The following ZFHX3 variants were observed in gnomAD, a reference collection of about 807,000 sequenced individuals.
The protein encoded by ZFHX3 is zinc finger homeobox 3.
In ZFHX3, 42 loss-of-function variants were observed where a neutral mutation model predicts 279.1. The ratio of observed to expected loss-of-function variants is 0.15; its 90% CI spans 0.12 to 0.19. The LOEUF (loss-of-function observed/expected upper bound fraction) is 0.19. Ranked by LOEUF, ZFHX3 falls within the 10% of genes least tolerant of loss-of-function variation. The pLI is 1.00. For synonymous variants in ZFHX3, 2,293 were observed against 1,957.8 expected (o/e 1.17, Z -4.52); for missense variants, 4,981 against 4,754.0 (o/e 1.05, Z -1.40).
chr16:72,959,666 G>GCCACTC lies in ZFHX3; in HGVS notation c.474_479dup (p.Ser163_Gly164dup), dbSNP rs1961466474. The GCCACTC allele has an allele frequency of 2.5e-6, 4 of 1,613,826 alleles. No homozygotes were observed. The highest frequency in any genetic ancestry group is 8.5e-7 in the Non-Finnish European group (1 of 1,180,002). ...GCGAGGGGAGAGGCCCACTGCCACT[G>GCCACTC]CCACTCCCACAGGCGCCCCCGCCCT... On this transcript the variant is annotated inframe_insertion, in exon 2 of 10. Transcript: ENST00000268489.
intron 3 of ZFHX3, among the ~76,000 whole-genome samples, chr16:73,450,041 T>C (rs1038420468): frequency 3.9e-5 from 6 of 152,214 alleles, no homozygotes; most frequent in Admixed American, 2.6e-4. Context: ...AAATTGTACA[T>C]ATTCAAGGTG....
chr16:73,680,574 C>T (rs1235489609), intron 1 of ZFHX3, among the ~76,000 whole-genome samples: 1 of 152,100 alleles, frequency 6.6e-6, no homozygotes, highest in Admixed American at 6.6e-5. Flanking sequence ...TAATTTATCA[C>T]TAAACACTAT....
chr16:73,098,641 C>G (rs1040392942), intron 7 of ZFHX3: 3 of 152,234 alleles, frequency 2.0e-5, no homozygotes, highest in Non-Finnish European at 4.4e-5. Context: ...GGATTACAGG[C>G]GTGAGCCACT....
chr16:73,587,771 T>C (rs1011445735), intron 2 of ZFHX3, among the ~76,000 whole-genome samples: 1 of 152,238 alleles, frequency 6.6e-6, no homozygotes, highest in African/African-American at 2.4e-5. Flanking sequence ...AAATGAAATA[T>C]ATCATGTAAT....
chr16:73,501,048 TTAA>T (rs1241586567), intron 2 of ZFHX3, among the ~76,000 whole-genome samples: 1 of 152,258 alleles, frequency 6.6e-6, no homozygotes, highest in Admixed American at 6.5e-5. Flanking sequence ...GTACCACTTT[TTAA>T]TCTTTTAAAC....
chr16:73,805,330 G>A (rs1475334317), intron 1 of ZFHX3, among the ~76,000 whole-genome samples: 1 of 152,034 alleles, frequency 6.6e-6, no homozygotes, highest in African/African-American at 2.4e-5. Flanking sequence ...CACTACGCCT[G>A]GCTAATTTTT....
chr16:73,209,696 C>A (rs1248749628), intron 5 of ZFHX3, among the ~76,000 whole-genome samples: 2 of 152,134 alleles, frequency 1.3e-5, no homozygotes, highest in Non-Finnish European at 1.5e-5. Flanking sequence ...TTTGGTTTAA[C>A]AGAAGGATGC....
rs543390244 is a variant in ZFHX3 at position 72,958,712 on chromosome 16, T to C, written c.1434A>G (p.Glu478=). The part of the protein sequence containing the change: ...EEEEAEEEEE[E]EEEEEEEEED... Reference sequence around the variant, plus strand: ...CCTCCTCCTCTTCTTCCTCCTCCTCTTCTTCCTCCTCCTCCTCCGCCTCTT... The same window carrying C: ...CCTCCTCCTCTTCTTCCTCCTCCTCCTCTTCCTCCTCCTCCTCCGCCTCTT... The change falls in exon 2 of 10, where the codon GAA becomes GAG. Residue 478 remains glutamate, a synonymous_variant. Transcript: ENST00000268489. 20 of 1,611,950 alleles carry C rather than the reference T, an allele frequency of 1.2e-5. No homozygotes were observed. The highest frequency in any genetic ancestry group is 5.0e-5 in the Admixed American group (3 of 59,966).
At position 73,589,259 on chromosome 16, in the gene ZFHX3, CAAAAAAAAA is replaced by C. The variant is rs34481194; in HGVS notation, c.-1547+90912_-1547+90920del. 7.3e-3 allele frequency among the ~76,000 whole-genome samples: 225 copies of C among 30,928 alleles called. 3 individuals carry two copies. Among genetic ancestry groups the C allele is most frequent in the African/African-American group, 0.029 (202 of 7,060 alleles). 20.3% of individuals were successfully genotyped at this position (30,928 alleles called of 152,430 possible). ...TGGGCGACAGAGCAAGATTCTGTCT[CAAAAAAAAA>C]AAAAAAAAAAAAAAAAAAAAAGCCA... On this transcript the variant is annotated intron_variant, in intron 2 of 17. Transcript: ENST00000641206.
At position 73,223,977 on chromosome 16, in the gene ZFHX3, A is replaced by C. The variant is rs915202506; in HGVS notation, c.-1104+33070T>G. ...ACTACATGTCATTCTGTAAAACGCAAAACTGTGGAGACAGGAAAAAGATCA... is the reference window on the plus strand; with the variant it reads ...ACTACATGTCATTCTGTAAAACGCACAACTGTGGAGACAGGAAAAAGATCA... On this transcript the variant is annotated intron_variant, in intron 5 of 17. Transcript: ENST00000641206. Among the ~76,000 whole-genome samples, 6 of 152,348 alleles carry C rather than the reference A, an allele frequency of 3.9e-5. No individual in the cohort carries two copies. In the East Asian group the frequency reaches 1.2e-3, roughly 29 times the overall value.
chr16:73,039,745 A>G, intron 1 of ZFHX3, among the ~76,000 whole-genome samples: 1 of 152,050 alleles, frequency 6.6e-6, no homozygotes, highest in Non-Finnish European at 1.5e-5. Flanking sequence ...ACGTTGCCCA[A>G]GCTGATCTCA....
intron 2 of ZFHX3, among the ~76,000 whole-genome samples, chr16:73,520,447 T>C (rs976681439): frequency 6.6e-6 from 1 of 152,240 alleles, no homozygotes; most frequent in African/African-American, 2.4e-5. Context: ...AGATGAGGAA[T>C]TTTTAGAAAA....
intron 5 of ZFHX3, among the ~76,000 whole-genome samples, chr16:73,153,188 T>A (rs1316581451): frequency 6.6e-6 from 1 of 152,176 alleles, no homozygotes. Flanking sequence ...GGATGTTCAT[T>A]CCCACCTGGA....
intron 1 of ZFHX3, chr16:73,796,526 C>A (rs968374992): frequency 1.3e-5 from 2 of 152,164 alleles, no homozygotes; most frequent in African/African-American, 4.8e-5. Context: ...AGAAGAGAAA[C>A]CCTGGCAGGA....
chr16:73,606,483 T>C (rs927599543), intron 2 of ZFHX3, among the ~76,000 whole-genome samples: 1 of 66,054 alleles, frequency 1.5e-5, no homozygotes, highest in Non-Finnish European at 3.2e-5. Context: ...TGAGACTTTG[T>C]CTCAAAAAAA....
rs61735549 is a variant in ZFHX3 at position 72,958,298 on chromosome 16, G to A, written c.1848C>T (p.Phe616=). The change falls in exon 2 of 10, where the codon TTC becomes TTT. Residue 616 remains phenylalanine, a synonymous_variant. Coordinates refer to ENST00000268489, the MANE Select transcript of ZFHX3 (RefSeq NM_006885.4). ...NESTEGDDGG[F]VPHHQHAGSL... is the part of the protein sequence containing the mutation. The stretch of plus-strand genomic sequence containing the variant: ...AGCCAGCGTGCTGGTGATGGGGAAC[G>A]AAGCCCCCATCGTCACCCTCTGTGC... 0.021 allele frequency: 33,878 copies of A among 1,613,958 alleles called. 489 individuals carry two copies. Among genetic ancestry groups the A allele is most frequent in the Middle Eastern group, 0.074 (447 of 6,062 alleles).
At chr16:73,690,935 T>C (rs1000045327) in intron 1 of ZFHX3, among the ~76,000 whole-genome samples, 2 of 152,216 alleles carry the variant, frequency 1.3e-5, no homozygotes, top group Non-Finnish European at 2.9e-5. Context: ...GTTTTGAGCC[T>C]CTATGGTTTG....
intron 1 of ZFHX3, among the ~76,000 whole-genome samples, chr16:73,017,798 A>G (rs1019524270): frequency 2.0e-5 from 3 of 152,170 alleles, no homozygotes; most frequent in African/African-American, 7.2e-5. Flanking sequence ...AGGGGTAAGC[A>G]GCAAACCAAA....
intron 5 of ZFHX3, among the ~76,000 whole-genome samples, chr16:73,189,669 C>A (rs1343555376): frequency 2.6e-5 from 4 of 152,200 alleles, no homozygotes; most frequent in Non-Finnish European, 4.4e-5. Flanking sequence ...GCAGCCCTGG[C>A]ATCTCTCCTT....
Sources: gnomAD v4.1 joint callset for allele counts (sites outside exome capture counted in the v4.1 genomes callset) on GRCh38, gnomAD v4.1.1 for gene constraint, MANE v1.5 for transcripts, NCBI Gene and HGNC (gene_info 2026-07-23, HGNC 2026-07-21) for gene names.